The following TMEM52B variants were observed in gnomAD, a reference collection of about 807,000 sequenced individuals.
TMEM52B encodes the protein chromosome 12 open reading frame 59.
TMEM52B carries 11 observed loss-of-function variants against 16.1 expected under a neutral mutation model. That is an observed-to-expected ratio of 0.68 (90% CI 0.43 to 1.13). The LOEUF is 1.13. TMEM52B is among the 50% of genes most tolerant of loss of function. TMEM52B has a pLI of 0.00. For missense variants in TMEM52B, 243 were observed against 230.4 expected (o/e 1.05, Z -0.35); for synonymous variants, 101 against 93.8 (o/e 1.08, Z -0.45).
intron 1 of TMEM52B, among the ~76,000 whole-genome samples, chr12:10,181,099 A>G (rs1286950508): frequency 6.6e-6 from 1 of 152,014 alleles, no homozygotes; most frequent in African/African-American, 2.4e-5. Context: ...GAGCCACTGC[A>G]CCCAGCCTTG....
chr12:10,180,275 G>GTTT (rs3053815), intron 1 of TMEM52B, among the ~76,000 whole-genome samples: 7,541 of 142,656 alleles, frequency 0.053, 376 homozygotes, highest in East Asian at 0.25. Context: ...TGTATGGTTT[G>GTTT]TTTTTTTTTT....
At position 10,190,009 on chromosome 12, in the gene TMEM52B, G is replaced by A. The variant is rs992737168; in HGVS notation, c.421G>A (p.Ala141Thr). The change falls in exon 5 of 5, where the codon GCT (alanine) becomes ACT (threonine). Residue 141 changes from alanine (A) to threonine (T), a missense_variant. Transcript: ENST00000543484. ...SLDTLPGYEE[A>T]LHMSRFTVAM... is the part of the protein sequence containing the mutation. ...GGACACCCTCCCAGGGTATGAAGAA[G>A]CTCTTCACATGAGTCGCTTCACAGT... 6.2e-7 allele frequency: 1 copy of A among 1,614,168 alleles called. No homozygotes were observed. Among genetic ancestry groups the A allele is most frequent in the Non-Finnish European group, 8.5e-7 (1 of 1,180,038 alleles).
chr12:10,173,097 T>C (rs570634619), intron 1 of TMEM52B, among the ~76,000 whole-genome samples: 1 of 152,304 alleles, frequency 6.6e-6, no homozygotes, highest in Non-Finnish European at 1.5e-5. Context: ...AATAATGTAT[T>C]TCAGTAAAAT....
chr12:10,180,952 T>G (rs1471944923), intron 1 of TMEM52B, among the ~76,000 whole-genome samples: 1 of 152,076 alleles, frequency 6.6e-6, no homozygotes, highest in Non-Finnish European at 1.5e-5. Flanking sequence ...ATTGCAGGCA[T>G]GCACCACCAC....
chr12:10,174,768 G>A (rs528120270), upstream of TMEM52B, among the ~76,000 whole-genome samples: 254 of 152,156 alleles, frequency 1.7e-3, 1 homozygote, highest in South Asian at 0.013. Flanking sequence ...GGAAACCACC[G>A]TTCCATTTTT....
At chr12:10,186,611 C>A (rs11053660) in intron 4 of TMEM52B, 22 bp downstream of exon 4, 337,016 of 1,517,616 alleles carry the variant, frequency 0.22, 44,958 homozygotes, top group East Asian at 0.66. Flanking sequence ...GAACTTTTAA[C>A]CTGGGAGGAG....
intron 4 of TMEM52B, among the ~76,000 whole-genome samples, chr12:10,188,363 G>A (rs749525278): frequency 8.6e-5 from 13 of 151,604 alleles, no homozygotes; most frequent in Non-Finnish European, 1.9e-4. Context: ...GGAGGCTGAG[G>A]CACGAGAATC....
upstream of TMEM52B, among the ~76,000 whole-genome samples, chr12:10,177,988 C>T (rs1269419547): frequency 4.7e-5 from 7 of 149,072 alleles, no homozygotes; most frequent in African/African-American, 1.7e-4. Context: ...TTCTGCCTTC[C>T]GGGTTCAAGT....
At chr12:10,186,289 TTAAAA>T (rs1948878226) in intron 3 of TMEM52B, 126 bp from the exon 4 acceptor site, 1 of 594,902 alleles carries the variant, frequency 1.7e-6, no homozygotes, top group African/African-American at 1.9e-5. Flanking sequence ...AAATTATAAA[TTAAAA>T]TATTTATAAT....
At chr12:10,189,012 G>A (rs1230487077) in intron 4 of TMEM52B, among the ~76,000 whole-genome samples, 4 of 69,688 alleles carry the variant, frequency 5.7e-5, no homozygotes, top group African/African-American at 1.3e-4. Context: ...GCGAGACTCC[G>A]TCTCAAAAAA....
chr12:10,185,233 G>A, intron 2 of TMEM52B, 97 bp from the exon 3 acceptor site: 1 of 856,986 alleles, frequency 1.2e-6, no homozygotes, highest in Non-Finnish European at 2.0e-6. Flanking sequence ...TTTATAACAA[G>A]GTATCACATC....
intron 1 of TMEM52B, among the ~76,000 whole-genome samples, chr12:10,172,668 T>C (rs770085907): frequency 6.6e-6 from 1 of 152,222 alleles, no homozygotes; most frequent in East Asian, 1.9e-4. Context: ...GGGCTACTAG[T>C]TCATGCAGTG....
upstream of TMEM52B, among the ~76,000 whole-genome samples, chr12:10,177,815 T>TAATAATAATAATAA (rs10631520): frequency 4.8e-5 from 3 of 62,954 alleles, no homozygotes; most frequent in South Asian, 3.7e-4. Context: ...ATAATAATAA[T>TAATAATAATAATAA]TTTTTTATTA....
chr12:10,172,680 C>T (rs1948733375), intron 1 of TMEM52B, among the ~76,000 whole-genome samples: 1 of 152,178 alleles, frequency 6.6e-6, no homozygotes, highest in Admixed American at 6.5e-5. Context: ...CATGCAGTGC[C>T]AGTGTAACGT....
At chr12:10,182,317 C>A in intron 1 of TMEM52B, 1 of 985,208 alleles carries the variant, frequency 1.0e-6, no homozygotes, top group Non-Finnish European at 1.2e-6. Context: ...TGATGCTCAC[C>A]CACCATCAAC....
chr12:10,180,275 G>GTTTT lies in TMEM52B; in HGVS notation c.54+660_54+663dup, dbSNP rs3053815. Among the ~76,000 whole-genome samples, 354 of 143,036 alleles carry GTTTT rather than the reference G, an allele frequency of 2.5e-3. 7 individuals are homozygous for GTTTT. In the East Asian group the frequency reaches 0.026, roughly 11 times the overall value. The allele number at this position is 143,036 out of a possible 152,430, so 93.8% of individuals were successfully genotyped here. Reference sequence around the variant, plus strand: ...CCGTACAGAGTGGGCTGTATGGTTTGTTTTTTTTTTTTTTTTGCTAATAGA... The same window carrying GTTTT: ...CCGTACAGAGTGGGCTGTATGGTTTGTTTTTTTTTTTTTTTTTTTTGCTAATAGA... On this transcript the variant is annotated intron_variant, in intron 1 of 4. Transcript: ENST00000543484.
chr12:10,171,226 A>G (rs1218672062), intron 1 of TMEM52B, among the ~76,000 whole-genome samples: 2 of 152,190 alleles, frequency 1.3e-5, no homozygotes, highest in African/African-American at 4.8e-5. Flanking sequence ...TTGGAAATGT[A>G]ATTTGGAATT....
intron 1 of TMEM52B, among the ~76,000 whole-genome samples, chr12:10,179,852 G>C (rs1037277839): frequency 1.3e-5 from 2 of 152,206 alleles, no homozygotes; most frequent in Non-Finnish European, 2.9e-5. Flanking sequence ...AAATTAGAGT[G>C]AGCATGGAAA....
chr12:10,178,926 G>C (rs1948791665), upstream of TMEM52B: 1 of 152,318 alleles, frequency 6.6e-6, no homozygotes, highest in South Asian at 2.1e-4. Flanking sequence ...CCAATGCTTA[G>C]GGATATAAAT....
Sources: gnomAD v4.1 joint callset for allele counts (sites outside exome capture counted in the v4.1 genomes callset) on GRCh38, gnomAD v4.1.1 for gene constraint, MANE v1.5 for transcripts, NCBI Gene and HGNC (gene_info 2026-07-23, HGNC 2026-07-21) for gene names.